Variants in HMGXB3 observed in about 807,000 individuals in gnomAD.
HMGXB3 encodes HMG domain-containing protein 3.
A neutral mutation model predicts 121.5 loss-of-function variants in HMGXB3; 45 were observed. The ratio of observed to expected loss-of-function variants is 0.37; its 90% confidence interval spans 0.29 to 0.47. HMGXB3 has a LOEUF of 0.47. Among genes scored for constraint, HMGXB3 ranks in the 20% least tolerant of loss-of-function variants. The pLI is 0.99. For synonymous variants in HMGXB3, 590 were observed against 624.1 expected, an observed-to-expected ratio of 0.95 and a Z score of 0.81; for missense variants, 1,376 against 1,602.2, an observed-to-expected ratio of 0.86 and a Z score of 2.41.
chr5:150,049,169 G>C (rs1433812768), intron 18 of HMGXB3, among the ~76,000 whole-genome samples: 1 of 152,242 alleles, frequency 6.6e-6, no homozygotes, highest in Admixed American at 6.5e-5. Context: ...AAGGCCGTGA[G>C]TGGGGAGACA....
At chr5:150,015,919 A>G (rs1370967211) in intron 5 of HMGXB3, among the ~76,000 whole-genome samples, 1 of 152,182 alleles carries the variant, frequency 6.6e-6, no homozygotes, top group Non-Finnish European at 1.5e-5. Context: ...AATGTTATGT[A>G]CACTTGAAGA....
chr5:150,010,032 TA>T, intron 3 of HMGXB3, 78 bp from the exon 4 acceptor site: 2 of 1,389,726 alleles, frequency 1.4e-6, no homozygotes, highest in East Asian at 5.0e-5. Flanking sequence ...TACACATATA[TA>T]TATATCTTTC....
chr5:150,021,901 TC>T, intron 6 of HMGXB3: 1 of 508,832 alleles, frequency 2.0e-6, no homozygotes, highest in South Asian at 1.4e-5. Context: ...TGGGTGTTTT[TC>T]CGGTGTCTTT....
intron 4 of HMGXB3, among the ~76,000 whole-genome samples, chr5:150,011,604 G>GTT (rs35010665): frequency 7.2e-4 from 96 of 132,624 alleles, no homozygotes; most frequent in Non-Finnish European, 8.7e-4. Flanking sequence ...TTTTTTTTTG[G>GTT]TTTTTTTTTT....
chr5:150,030,644 TC>T, intron 9 of HMGXB3, 96 bp from the exon 10 acceptor site: 1 of 898,402 alleles, frequency 1.1e-6, no homozygotes, highest in Admixed American at 2.1e-5. Flanking sequence ...CTCTACAAAT[TC>T]CCCGGGAAAG....
intron 15 of HMGXB3, 101 bp downstream of exon 15, chr5:150,042,070 G>A: frequency 1.1e-6 from 1 of 909,548 alleles, no homozygotes; most frequent in Admixed American, 2.8e-5. Flanking sequence ...CTCCAGTCCT[G>A]TCTAGGTGAG....
chr5:150,048,822 G>A (rs529151906), intron 18 of HMGXB3, 137 bp downstream of exon 18: 2 of 665,808 alleles, frequency 3.0e-6, no homozygotes, highest in African/African-American at 1.8e-5. Context: ...CACGGGTCAG[G>A]TGCTACCCCC....
rs113466054 is a variant in HMGXB3 at position 150,040,617 on chromosome 5, A to C, written c.2414-131A>C. 7,196 of 838,468 alleles carry C rather than the reference A, an allele frequency of 8.6e-3. 398 individuals are homozygous for C. In the African/African-American group the frequency reaches 0.11, roughly 13 times the overall value. 51.9% of individuals were successfully genotyped at this position (838,468 alleles called of 1,614,324 possible). A position where few individuals can be genotyped will look rare whatever the true frequency, so the allele number is the denominator to read the frequency against. On this transcript the variant is annotated intron_variant, in intron 13 of 19. Transcript: ENST00000502717. ...AGTCGACAACTCCTGGGCTCAAGCG[A>C]TCCTCCTGCCTCATCCTCCCAAGTG...
In HMGXB3 at chr5:150,049,171, G is replaced by A. The variant is rs573838842; in HGVS notation, c.3201+486G>A. On this transcript the variant is annotated intron_variant, in intron 18 of 19. Transcript: ENST00000502717. ...CCAAGGGACCACCAAGGCCGTGAGT[G>A]GGGAGACAGAGTGAGCTGAGAGGAG... Among the ~76,000 whole-genome samples, 9 of 152,340 alleles carry A rather than the reference G, an allele frequency of 5.9e-5. No homozygotes were observed. In the East Asian group the frequency reaches 1.7e-3, roughly 29 times the overall value.
chr5:150,044,645 C>T (rs1481010872), intron 15 of HMGXB3, among the ~76,000 whole-genome samples: 1 of 152,160 alleles, frequency 6.6e-6, no homozygotes, highest in East Asian at 1.9e-4. Flanking sequence ...ACTCTTGCTG[C>T]TTGTCCAGGA....
chr5:150,045,402 G>A (rs1756733504), intron 15 of HMGXB3, 64 bp from the exon 16 acceptor site: 1 of 1,311,906 alleles, frequency 7.6e-7, no homozygotes, highest in Non-Finnish European at 1.1e-6. Flanking sequence ...TGACGGGGTA[G>A]GCTGTTGTGT....
At chr5:150,048,479 T>G in intron 17 of HMGXB3, 90 bp from the exon 18 acceptor site, 3 of 874,172 alleles carry the variant, frequency 3.4e-6, no homozygotes, top group Non-Finnish European at 5.6e-6. Context: ...TTCTTTTGCT[T>G]TGGGTGTTGG....
At chr5:150,048,256 T>G (rs1756807336) in intron 17 of HMGXB3, among the ~76,000 whole-genome samples, 1 of 152,250 alleles carries the variant, frequency 6.6e-6, no homozygotes, top group African/African-American at 2.4e-5. Context: ...TTATGCTTCC[T>G]TCAAGATCAG....
chr5:150,024,170 A>G (rs1416559913), intron 6 of HMGXB3, 92 bp from the exon 7 acceptor site: 2 of 1,017,308 alleles, frequency 2.0e-6, no homozygotes, highest in South Asian at 3.7e-5. Flanking sequence ...TTCCTTATTT[A>G]TTGCCCATAT....
At chr5:150,013,810 T>G (rs1057446332) in intron 5 of HMGXB3, among the ~76,000 whole-genome samples, 2 of 152,248 alleles carry the variant, frequency 1.3e-5, no homozygotes, top group Non-Finnish European at 2.9e-5. Context: ...TAACATTCCC[T>G]TATTACCCTG....
intron 6 of HMGXB3, among the ~76,000 whole-genome samples, chr5:150,019,730 G>A (rs532621785): frequency 2.0e-5 from 3 of 152,194 alleles, no homozygotes; most frequent in Non-Finnish European, 4.4e-5. Flanking sequence ...AATGGCTTAG[G>A]TTAGGTTCGT....
At chr5:150,044,896 G>C (rs575727812) in intron 15 of HMGXB3, among the ~76,000 whole-genome samples, 2 of 152,332 alleles carry the variant, frequency 1.3e-5, no homozygotes, top group Non-Finnish European at 2.9e-5. Flanking sequence ...AGTAAATGCT[G>C]CCCTGGGTAG....
chr5:150,011,432 C>T (rs1053154699), intron 4 of HMGXB3, among the ~76,000 whole-genome samples: 1 of 152,100 alleles, frequency 6.6e-6, no homozygotes, highest in Admixed American at 6.5e-5. Context: ...GGGAGTCTTT[C>T]TGTGCAGGCT....
At chr5:150,039,986 G>A (rs1244129327) in intron 13 of HMGXB3, among the ~76,000 whole-genome samples, 1 of 152,208 alleles carries the variant, frequency 6.6e-6, no homozygotes, top group Non-Finnish European at 1.5e-5. Context: ...AGGATTTGGT[G>A]TTGGAGTGAT....
Sources: gnomAD v4.1 joint callset for allele counts (sites outside exome capture counted in the v4.1 genomes callset) on GRCh38, gnomAD v4.1.1 for gene constraint, MANE v1.5 for transcripts, NCBI Gene and HGNC (gene_info 2026-07-23, HGNC 2026-07-21) for gene names.